Variants in DPY19L3 observed in about 807,000 individuals in gnomAD.
DPY19L3 encodes the protein protein C-mannosyl-transferase DPY19L3.
In DPY19L3, 51 loss-of-function variants were observed where a neutral mutation model predicts 92.3. The observed-to-expected ratio is 0.55, with a 90% CI of 0.44 to 0.70. DPY19L3 has a LOEUF of 0.70. DPY19L3 is among the 30% of genes least tolerant of loss of function. DPY19L3 has a pLI of 0.00. For missense variants in DPY19L3, 706 were observed against 855.9 expected, an observed-to-expected ratio of 0.82 and a Z score of 2.18; for synonymous variants, 309 against 315.2, an observed-to-expected ratio of 0.98 and a Z score of 0.21.
At chr19:32,424,580 A>C (rs985023714) in intron 3 of DPY19L3, among the ~76,000 whole-genome samples, 11 of 151,972 alleles carry the variant, frequency 7.2e-5, no homozygotes, top group African/African-American at 2.7e-4. Context: ...CAGTGAGCCA[A>C]GATCATGCCG....
At chr19:32,438,334 A>G (rs926447950) in intron 6 of DPY19L3, among the ~76,000 whole-genome samples, 1 of 152,174 alleles carries the variant, frequency 6.6e-6, no homozygotes, top group African/African-American at 2.4e-5. Context: ...GAAGAACCCT[A>G]TAGAGTAGAT....
rs1235861004 is a variant in DPY19L3, at chr19:32,485,040, T to C, written c.*2800T>C. The C allele has an allele frequency of 6.6e-6, 1 of 152,198 alleles. No individual in the cohort carries two copies. The highest frequency in any genetic ancestry group is 1.5e-5 in the Non-Finnish European group (1 of 68,030). The allele number at this position is 152,198 out of a possible 1,614,324, so 9.4% of individuals were successfully genotyped here. On this transcript the variant is annotated 3_prime_UTR_variant, in exon 19 of 19. Transcript: ENST00000392250. ...AGAAGAAGGGACCCAAATCATGTTATTGGTGTGATTTATGTGAGAAGTAGA... is the reference window on the plus strand; with the variant it reads ...AGAAGAAGGGACCCAAATCATGTTACTGGTGTGATTTATGTGAGAAGTAGA...
intron 8 of DPY19L3, among the ~76,000 whole-genome samples, chr19:32,445,217 G>A (rs888881549): frequency 2.0e-5 from 3 of 151,666 alleles, no homozygotes; most frequent in Non-Finnish European, 2.9e-5. Context: ...CGAGGCAGAC[G>A]GATCATGGGG....
chr19:32,416,270 T>A lies in DPY19L3; in HGVS notation c.237+4898T>A, dbSNP rs530709734. 1.3e-4 allele frequency among the ~76,000 whole-genome samples: 20 copies of A among 152,310 alleles called. 1 individual carries two copies. In the South Asian group the frequency reaches 3.1e-3, roughly 24 times the overall value. On this transcript the variant is annotated intron_variant, in intron 3 of 18. Transcript: ENST00000392250. ...GAGAGAACAGTTGAGAGGCTGTCAG[T>A]CCAAGCTGCTTGCTCTCCTTAGCAG...
At chr19:32,420,056 C>T (rs893841072) in intron 3 of DPY19L3, among the ~76,000 whole-genome samples, 1 of 151,608 alleles carries the variant, frequency 6.6e-6, no homozygotes, top group Admixed American at 6.6e-5. Flanking sequence ...GACGGGGTTT[C>T]ACCATCTTGG....
intron 16 of DPY19L3, among the ~76,000 whole-genome samples, chr19:32,470,092 T>G (rs1970312095): frequency 6.6e-6 from 1 of 152,238 alleles, no homozygotes; most frequent in African/African-American, 2.4e-5. Flanking sequence ...GTCTAAAACA[T>G]ACACATGGCT....
chr19:32,429,743 T>C (rs1372305279), intron 3 of DPY19L3, among the ~76,000 whole-genome samples: 3 of 152,204 alleles, frequency 2.0e-5, no homozygotes, highest in East Asian at 1.9e-4. Flanking sequence ...TTGAACACTT[T>C]AAGGAAGCTA....
intron 4 of DPY19L3, among the ~76,000 whole-genome samples, chr19:32,436,164 C>T (rs1969131287): frequency 6.6e-6 from 1 of 152,208 alleles, no homozygotes; most frequent in South Asian, 2.1e-4. Flanking sequence ...GTGAAATCCT[C>T]TTGCCCACAT....
intron 2 of DPY19L3, among the ~76,000 whole-genome samples, chr19:32,410,412 A>C (rs1452269071): frequency 1.3e-5 from 2 of 152,168 alleles, no homozygotes; most frequent in African/African-American, 4.8e-5. Flanking sequence ...AACTTGAGTT[A>C]TGTTGGATTA....
At chr19:32,411,453 A>G (rs754291919) in intron 3 of DPY19L3, 81 bp downstream of exon 3, 12 of 1,499,996 alleles carry the variant, frequency 8.0e-6, no homozygotes, top group Non-Finnish European at 1.1e-5. Context: ...GACCAAGGCA[A>G]CACAGTTTTG....
At chr19:32,459,748 G>T (rs1969978972) in intron 12 of DPY19L3, among the ~76,000 whole-genome samples, 1 of 152,128 alleles carries the variant, frequency 6.6e-6, no homozygotes, top group Admixed American at 6.5e-5. Context: ...GGCTGATTGG[G>T]TATATGATCA....
chr19:32,426,991 G>GTTGT lies in DPY19L3; in HGVS notation c.238-5710_238-5707dup, dbSNP rs1195302737. ...CAATGTGTTCTTTCTTTGGTGTTTC[G>GTTGT]TTGTTTGTTTGTTTGTTTTTGAGGC... On this transcript the variant is annotated intron_variant, in intron 3 of 18. Coordinates refer to ENST00000392250, the MANE Select transcript of DPY19L3 (RefSeq NM_001172774.2). 6.6e-5 allele frequency among the ~76,000 whole-genome samples: 10 copies of GTTGT among 152,126 alleles called. No homozygotes were observed. In the East Asian group the frequency reaches 1.4e-3, roughly 21 times the overall value.
At chr19:32,431,976 A>G (rs1055360083) in intron 3 of DPY19L3, among the ~76,000 whole-genome samples, 2 of 152,216 alleles carry the variant, frequency 1.3e-5, no homozygotes, top group Non-Finnish European at 2.9e-5. Flanking sequence ...AAGGTATCCA[A>G]TTTTAAAGTA....
At chr19:32,408,419 C>A in intron 2 of DPY19L3, 63 bp downstream of exon 2, 1 of 1,233,670 alleles carries the variant, frequency 8.1e-7, no homozygotes, top group Non-Finnish European at 1.2e-6. Flanking sequence ...TAAAATGTCA[C>A]TCTCCAATAG....
At chr19:32,460,227 C>T (rs996191221) in intron 12 of DPY19L3, among the ~76,000 whole-genome samples, 31 of 151,604 alleles carry the variant, frequency 2.0e-4, no homozygotes, top group African/African-American at 7.0e-4. Flanking sequence ...ATAGCAAGAC[C>T]GCATCTCTAC....
At chr19:32,429,002 C>A (rs576925380) in intron 3 of DPY19L3, among the ~76,000 whole-genome samples, 1,675 of 152,106 alleles carry the variant, frequency 0.011, 12 homozygotes, top group Non-Finnish European at 0.018. Context: ...CGCCTGCCAC[C>A]GCGCTTGGCT....
In DPY19L3 at chr19:32,412,212, T is replaced by C. The variant is rs1025261558; in HGVS notation, c.237+840T>C. 3 of 152,170 alleles carry C rather than the reference T, an allele frequency of 2.0e-5. No individual in the cohort carries two copies. In the East Asian group the frequency reaches 5.8e-4, roughly 29 times the overall value. 9.4% of individuals were successfully genotyped at this position (152,170 alleles called of 1,614,324 possible). A position where few individuals can be genotyped will look rare whatever the true frequency, so the allele number is the denominator to read the frequency against. ...GAGTTTTTTCTTTTTCATTAACTTA[T>C]TCCATTTATTTAGCAGTTATTCTAA... On this transcript the variant is annotated intron_variant, in intron 3 of 18. Coordinates refer to ENST00000392250, the MANE Select transcript of DPY19L3 (RefSeq NM_001172774.2).
intron 8 of DPY19L3, among the ~76,000 whole-genome samples, chr19:32,447,693 G>A (rs1171808621): frequency 6.6e-6 from 1 of 151,688 alleles, no homozygotes; most frequent in Non-Finnish European, 1.5e-5. Flanking sequence ...CCCAGCCTGG[G>A]CAATGAGAGC....
At chr19:32,443,566 G>A (rs959970156) in intron 8 of DPY19L3, among the ~76,000 whole-genome samples, 2 of 152,164 alleles carry the variant, frequency 1.3e-5, no homozygotes, top group Non-Finnish European at 2.9e-5. Context: ...CACTGAATCT[G>A]CCAGTTCCTT....
Sources: gnomAD v4.1 joint callset for allele counts (sites outside exome capture counted in the v4.1 genomes callset) on GRCh38, gnomAD v4.1.1 for gene constraint, MANE v1.5 for transcripts, NCBI Gene and HGNC (gene_info 2026-07-23, HGNC 2026-07-21) for gene names.